The following ARHGEF3 variants were observed in gnomAD, a reference collection of about 807,000 sequenced individuals.
The protein encoded by ARHGEF3 is Rho guanine nucleotide exchange factor 3, also known as 59.8 kDA protein.
Under a neutral mutation model 63.2 loss-of-function variants are expected in ARHGEF3, and 28 were observed. The observed-to-expected ratio is 0.44, with a 90% CI of 0.33 to 0.61. ARHGEF3 has a LOEUF of 0.61. Among genes scored for constraint, ARHGEF3 ranks in the 20% least tolerant of loss-of-function variants. ARHGEF3 has a pLI of 0.03. For missense variants in ARHGEF3, 533 were observed against 659.3 expected, an observed-to-expected ratio of 0.81 and a Z score of 2.10; for synonymous variants, 266 against 254.2, an observed-to-expected ratio of 1.05 and a Z score of -0.44.
chr3:56,965,238 A>G (rs769055958), intron 2 of ARHGEF3, among the ~76,000 whole-genome samples: 2 of 152,188 alleles, frequency 1.3e-5, no homozygotes, highest in Non-Finnish European at 2.9e-5. Flanking sequence ...CTGGGCAACC[A>G]TAAGAAGGCC....
At chr3:56,763,026 T>A (rs1256829505) in intron 2 of ARHGEF3, among the ~76,000 whole-genome samples, 1 of 152,198 alleles carries the variant, frequency 6.6e-6, no homozygotes, top group East Asian at 1.9e-4. Context: ...AGTGTTGGAA[T>A]AGGAACTGAG....
intron 3 of ARHGEF3, among the ~76,000 whole-genome samples, chr3:56,900,935 G>A (rs1394687012): frequency 6.6e-6 from 1 of 152,140 alleles, no homozygotes; most frequent in Non-Finnish European, 1.5e-5. Context: ...TAAACTGACG[G>A]AGTTGGCCCA....
chr3:56,747,185 C>T (rs1235248140), intron 6 of ARHGEF3, among the ~76,000 whole-genome samples: 1 of 152,134 alleles, frequency 6.6e-6, no homozygotes, highest in Non-Finnish European at 1.5e-5. Flanking sequence ...TTTCCACTTC[C>T]TCACCTTTTA....
chr3:56,859,352 G>C (rs1271624216), intron 4 of ARHGEF3, among the ~76,000 whole-genome samples: 1 of 151,822 alleles, frequency 6.6e-6, no homozygotes, highest in Non-Finnish European at 1.5e-5. Flanking sequence ...TGTTAGCCAG[G>C]ATGGTCTCGA....
chr3:56,846,950 C>T (rs914983592), intron 4 of ARHGEF3, among the ~76,000 whole-genome samples: 1 of 152,204 alleles, frequency 6.6e-6, no homozygotes, highest in Non-Finnish European at 1.5e-5. Flanking sequence ...GATTTATTTA[C>T]AAATTACTTT....
chr3:56,916,436 C>T, intron 3 of ARHGEF3: 1 of 1,444,028 alleles, frequency 6.9e-7, no homozygotes, highest in Non-Finnish European at 9.1e-7. Context: ...AGCATAGTTT[C>T]CCTGAAGGAA....
intron 2 of ARHGEF3, among the ~76,000 whole-genome samples, chr3:56,757,432 C>A (rs1357051823): frequency 1.3e-5 from 2 of 151,988 alleles, no homozygotes; most frequent in Non-Finnish European, 2.9e-5. Flanking sequence ...CAAGATCGTG[C>A]CACTGCACTC....
At chr3:56,834,456 T>C (rs1219745246) in intron 4 of ARHGEF3, among the ~76,000 whole-genome samples, 1 of 152,134 alleles carries the variant, frequency 6.6e-6, no homozygotes, top group Non-Finnish European at 1.5e-5. Context: ...TCTGATACTA[T>C]GTATGTATTC....
chr3:56,747,062 C>CAG (rs1247337100), intron 6 of ARHGEF3, among the ~76,000 whole-genome samples: 692 of 125,930 alleles, frequency 5.5e-3, no homozygotes, highest in Middle Eastern at 0.011. Context: ...CGCACACACA[C>CAG]ACAGAGAGAG....
chr3:56,772,851 T>A (rs2036080132), intron 2 of ARHGEF3, among the ~76,000 whole-genome samples: 1 of 152,208 alleles, frequency 6.6e-6, no homozygotes, highest in South Asian at 2.1e-4. Context: ...ATGGCAAATT[T>A]ACTGATATGG....
rs559676635 is a variant in ARHGEF3, at chr3:56,752,062, T to TGTTTAAA, written c.439-673_439-667dup. Reference sequence around the variant, plus strand: ...CTGATCTCATGGAAAACTAAATCTATGTTTAAAAAATATTTTTTTCTTTTT... The same window carrying TGTTTAAA: ...CTGATCTCATGGAAAACTAAATCTATGTTTAAAGTTTAAAAAATATTTTTTTCTTTTT... On this transcript the variant is annotated intron_variant, in intron 4 of 9. Coordinates refer to ENST00000296315, the MANE Select transcript of ARHGEF3 (RefSeq NM_019555.3). Among the ~76,000 whole-genome samples the TGTTTAAA allele has an allele frequency of 7.0e-3, 1,039 of 147,906 alleles. 16 individuals carry two copies. Among genetic ancestry groups the TGTTTAAA allele is most frequent in the African/African-American group, 0.025 (965 of 38,434 alleles).
At chr3:56,957,887 T>C (rs1002782611) in intron 3 of ARHGEF3, among the ~76,000 whole-genome samples, 4 of 152,210 alleles carry the variant, frequency 2.6e-5, no homozygotes, top group African/African-American at 9.7e-5. Context: ...TAGAATTCAC[T>C]TTAGCACACA....
chr3:56,776,994 T>C (rs2036316583), intron 1 of ARHGEF3, among the ~76,000 whole-genome samples: 1 of 152,270 alleles, frequency 6.6e-6, no homozygotes, highest in African/African-American at 2.4e-5. Flanking sequence ...GTTTGTTTCA[T>C]CTTTTCCAGG....
intron 4 of ARHGEF3, among the ~76,000 whole-genome samples, chr3:56,849,631 T>G (rs777778563): frequency 6.6e-6 from 1 of 150,898 alleles, no homozygotes; most frequent in Non-Finnish European, 1.5e-5. Flanking sequence ...CCAACCCTAG[T>G]AGCCCAAAAT....
chr3:56,811,075 A>G (rs1283841609), intron 4 of ARHGEF3, among the ~76,000 whole-genome samples: 1 of 152,188 alleles, frequency 6.6e-6, no homozygotes, highest in Non-Finnish European at 1.5e-5. Context: ...TGCACTGAGG[A>G]ACTACTGTGT....
At chr3:57,015,370 C>T (rs867019094) in intron 2 of ARHGEF3, among the ~76,000 whole-genome samples, 1 of 152,156 alleles carries the variant, frequency 6.6e-6, no homozygotes, top group Non-Finnish European at 1.5e-5. Flanking sequence ...AGCTTAGGGG[C>T]CCCTCACTTC....
intron 2 of ARHGEF3, among the ~76,000 whole-genome samples, chr3:56,757,297 AC>A (rs1486565093): frequency 5.9e-5 from 9 of 151,984 alleles, no homozygotes; most frequent in Non-Finnish European, 1.3e-4. Flanking sequence ...ACATGGTGAA[AC>A]CCCGTCTCTA....
intron 4 of ARHGEF3, among the ~76,000 whole-genome samples, chr3:56,881,720 T>C (rs1186880665): frequency 1.3e-5 from 2 of 151,564 alleles, no homozygotes; most frequent in Admixed American, 1.3e-4. Flanking sequence ...ATTCTCACTT[T>C]TATTGTTTTA....
At chr3:57,020,176 G>A (rs945625070) in intron 2 of ARHGEF3, among the ~76,000 whole-genome samples, 4 of 152,114 alleles carry the variant, frequency 2.6e-5, no homozygotes, top group African/African-American at 9.7e-5. Flanking sequence ...GGGATTTCAG[G>A]TTTTCATGCC....
Sources: gnomAD v4.1 joint callset for allele counts (sites outside exome capture counted in the v4.1 genomes callset) on GRCh38, gnomAD v4.1.1 for gene constraint, MANE v1.5 for transcripts, NCBI Gene and HGNC (gene_info 2026-07-23, HGNC 2026-07-21) for gene names.